Variants in KHDRBS2 observed in about 807,000 individuals in gnomAD.
KHDRBS2 encodes KH RNA binding domain containing, signal transduction associated 2.
In KHDRBS2, 26 loss-of-function variants were observed where a neutral mutation model predicts 44.3. That is an observed-to-expected ratio of 0.59 (90% CI 0.43 to 0.81). The LOEUF is 0.81. Ranked by LOEUF, KHDRBS2 falls within the 40% of genes least tolerant of loss-of-function variation. KHDRBS2 has a pLI of 0.00. For synonymous variants in KHDRBS2, 194 were observed against 151.1 expected (o/e 1.28, Z -2.08); for missense variants, 476 against 433.1 (o/e 1.10, Z -0.88).
At chr6:61,828,076 T>C (rs1444054930) in intron 6 of KHDRBS2, among the ~76,000 whole-genome samples, 1 of 152,190 alleles carries the variant, frequency 6.6e-6, no homozygotes, top group Non-Finnish European at 1.5e-5. Context: ...GCATGTCTGA[T>C]GTGAGAAAGA....
intron 2 of KHDRBS2, among the ~76,000 whole-genome samples, chr6:62,114,397 G>C (rs1401527203): frequency 6.6e-6 from 1 of 152,086 alleles, no homozygotes; most frequent in Non-Finnish European, 1.5e-5. Flanking sequence ...AACTGCTTCT[G>C]AAATGTAAGA....
In KHDRBS2 at chr6:62,070,247, T is replaced by C. The variant is rs561115800; in HGVS notation, c.220-22253A>G. Among the ~76,000 whole-genome samples, 29 of 151,740 alleles carry C rather than the reference T, an allele frequency of 1.9e-4. No individual in the cohort carries two copies. The South Asian group carries it at 4.6e-3, about 24-fold the overall frequency. On this transcript the variant is annotated intron_variant, in intron 2 of 8. Coordinates refer to ENST00000281156, the MANE Select transcript of KHDRBS2 (RefSeq NM_152688.4). ...TTACACGTATATTAATAAGGGATAT[T>C]GATATATAGTTTTCTTTTTCTGTCT...
At chr6:61,744,196 T>C (rs1776560503) in intron 6 of KHDRBS2, among the ~76,000 whole-genome samples, 1 of 152,070 alleles carries the variant, frequency 6.6e-6, no homozygotes, top group Non-Finnish European at 1.5e-5. Flanking sequence ...GCAGAAGACA[T>C]AACTCTTGGG....
chr6:61,708,966 T>C (rs960508975), intron 7 of KHDRBS2, among the ~76,000 whole-genome samples: 1 of 151,682 alleles, frequency 6.6e-6, no homozygotes, highest in East Asian at 1.9e-4. Flanking sequence ...AGAATTGCTG[T>C]GTGTCATTTT....
chr6:61,572,209 G>GA, the KHDRBS2 span, among the ~76,000 whole-genome samples: 7 of 151,940 alleles, frequency 4.6e-5, no homozygotes, highest in Admixed American at 2.0e-4. Flanking sequence ...GCACAAACTA[G>GA]AAAATCTAGA....
chr6:62,059,777 A>G (rs1178672831), intron 2 of KHDRBS2, among the ~76,000 whole-genome samples: 3 of 151,810 alleles, frequency 2.0e-5, no homozygotes, highest in East Asian at 3.9e-4. Flanking sequence ...TGAAATTGCT[A>G]AGGGAGAAGG....
At chr6:62,133,736 A>T (rs1179207510) in intron 2 of KHDRBS2, among the ~76,000 whole-genome samples, 1 of 152,188 alleles carries the variant, frequency 6.6e-6, no homozygotes, top group East Asian at 1.9e-4. Context: ...ATGGATAATG[A>T]AATGCAGACT....
At chr6:62,040,301 G>A (rs892517421) in intron 3 of KHDRBS2, among the ~76,000 whole-genome samples, 3 of 151,846 alleles carry the variant, frequency 2.0e-5, no homozygotes, top group African/African-American at 7.3e-5. Flanking sequence ...TGCGCTTATC[G>A]CCATTAGAAG....
At chr6:62,260,922 A>G (rs1384657840) in intron 1 of KHDRBS2, among the ~76,000 whole-genome samples, 7 of 151,946 alleles carry the variant, frequency 4.6e-5, no homozygotes, top group African/African-American at 1.7e-4. Flanking sequence ...TAATAGTGTT[A>G]GTGTAGCTTT....
chr6:61,766,922 T>C (rs1336485312), intron 6 of KHDRBS2, among the ~76,000 whole-genome samples: 2 of 152,152 alleles, frequency 1.3e-5, no homozygotes, highest in Non-Finnish European at 2.9e-5. Context: ...GAAGAATGTG[T>C]ATCCTGCAGC....
At chr6:62,271,673 T>C (rs563884848) in intron 1 of KHDRBS2, among the ~76,000 whole-genome samples, 2 of 152,148 alleles carry the variant, frequency 1.3e-5, no homozygotes, top group South Asian at 2.1e-4. Context: ...GATCCTGATC[T>C]TGTATAGTCC....
chr6:61,955,627 CAT>C (rs1562521548), intron 4 of KHDRBS2, among the ~76,000 whole-genome samples: 2 of 57,698 alleles, frequency 3.5e-5, no homozygotes, highest in South Asian at 6.4e-4. Context: ...TGTATGCATA[CAT>C]GTGTATATAC....
intron 1 of KHDRBS2, among the ~76,000 whole-genome samples, chr6:62,262,927 A>G (rs1838605137): frequency 1.3e-5 from 2 of 151,798 alleles, no homozygotes; most frequent in South Asian, 4.1e-4. Context: ...AAATACATGT[A>G]AAACTGATAC....
chr6:61,732,605 A>G, intron 7 of KHDRBS2, 77 bp downstream of exon 7: 4 of 830,214 alleles, frequency 4.8e-6, no homozygotes, highest in Non-Finnish European at 8.3e-6. Flanking sequence ...ACATGATATA[A>G]TTGACATTCA....
chr6:61,945,111 AAGTATAT>A lies in KHDRBS2; in HGVS notation c.483+32948_483+32954del, dbSNP rs1813014632. On this transcript the variant is annotated intron_variant, in intron 4 of 8. Coordinates refer to ENST00000281156, the MANE Select transcript of KHDRBS2 (RefSeq NM_152688.4). Reference sequence around the variant, plus strand: ...GTCTTAAAAAAAAAAAAAAAAAAAAAAGTATATATATATATATATATATATATATATA... The same window carrying A: ...GTCTTAAAAAAAAAAAAAAAAAAAAAATATATATATATATATATATATATA... Among the ~76,000 whole-genome samples, 3 of 37,774 alleles carry A rather than the reference AAGTATAT, an allele frequency of 7.9e-5. No homozygotes were observed. The South Asian group carries it at 3.7e-3, about 47-fold the overall frequency. 24.8% of individuals were successfully genotyped at this position (37,774 alleles called of 152,430 possible). A position where few individuals can be genotyped will look rare whatever the true frequency, so the allele number is the denominator to read the frequency against.
chr6:62,156,716 G>GAGTGC (rs1256172122), intron 2 of KHDRBS2, among the ~76,000 whole-genome samples: 1 of 152,034 alleles, frequency 6.6e-6, no homozygotes, highest in African/African-American at 2.4e-5. Flanking sequence ...GTGCAGGCTG[G>GAGTGC]AGTGCAGTGC....
intron 4 of KHDRBS2, among the ~76,000 whole-genome samples, chr6:61,955,704 A>G (rs10455599): frequency 0.49 from 53,426 of 110,070 alleles, 14,964 homozygotes; most frequent in East Asian, 0.71. Flanking sequence ...ATGTGTATAT[A>G]TACACATATG....
At chr6:62,116,904 G>A (rs149713046) in intron 2 of KHDRBS2, among the ~76,000 whole-genome samples, 28 of 152,022 alleles carry the variant, frequency 1.8e-4, no homozygotes, top group African/African-American at 6.3e-4. Context: ...TTAATATAAT[G>A]ACCTCCAGTG....
At position 61,945,108 on chromosome 6, in the gene KHDRBS2, AAAAAGTAT is replaced by A. The variant is rs1397545924; in HGVS notation, c.483+32950_483+32957del. ...TCTGTCTTAAAAAAAAAAAAAAAAA[AAAAAGTAT>A]ATATATATATATATATATATATATA... is the stretch of plus-strand genomic sequence containing the variant. On this transcript the variant is annotated intron_variant, in intron 4 of 8. Transcript: ENST00000281156. 2.4e-4 allele frequency among the ~76,000 whole-genome samples: 13 copies of A among 54,992 alleles called. 1 individual carries two copies. Among genetic ancestry groups the A allele is most frequent in the Admixed American group, 1.0e-3 (4 of 3,926 alleles). 36.1% of individuals were successfully genotyped at this position (54,992 alleles called of 152,430 possible).
Sources: gnomAD v4.1 joint callset for allele counts (sites outside exome capture counted in the v4.1 genomes callset) on GRCh38, gnomAD v4.1.1 for gene constraint, MANE v1.5 for transcripts, NCBI Gene and HGNC (gene_info 2026-07-23, HGNC 2026-07-21) for gene names.